Variants in EYS observed in about 807,000 individuals in gnomAD.
EYS encodes the protein EGF-like photoreceptor maintenance factor.
EYS carries 250 observed loss-of-function variants against 282.1 expected under a neutral mutation model. The ratio of observed to expected loss-of-function variants is 0.89; its 90% CI spans 0.80 to 0.98. The LOEUF (loss-of-function observed/expected upper bound fraction) is 0.98. EYS is among the 50% of genes least tolerant of loss of function. The pLI is 0.00. For missense variants in EYS, 4,016 were observed against 3,709.0 expected, an observed-to-expected ratio of 1.08 and a Z score of -2.15; for synonymous variants, 1,355 against 1,282.9, an observed-to-expected ratio of 1.06 and a Z score of -1.20.
intron 35 of EYS, among the ~76,000 whole-genome samples, chr6:63,872,776 C>A (rs372569798): frequency 4.6e-5 from 7 of 152,102 alleles, no homozygotes; most frequent in African/African-American, 1.7e-4. Flanking sequence ...CCATGCCTGG[C>A]CCACCTAAAA....
intron 28 of EYS, among the ~76,000 whole-genome samples, chr6:64,390,204 C>T (rs1773069209): frequency 6.6e-6 from 1 of 152,090 alleles, no homozygotes; most frequent in African/African-American, 2.4e-5. Context: ...GGGAGGGGTG[C>T]CCGCCATTGC....
At chr6:64,992,033 T>C (rs1338856725) in intron 14 of EYS, among the ~76,000 whole-genome samples, 1 of 151,836 alleles carries the variant, frequency 6.6e-6, no homozygotes, top group Non-Finnish European at 1.5e-5. Flanking sequence ...ATAAATTATC[T>C]AAATGCCTGG....
rs188553390 is a variant in EYS, at chr6:64,438,911, T to C, written c.5835+251A>G. 3.7e-3 allele frequency among the ~76,000 whole-genome samples: 560 copies of C among 151,758 alleles called. 3 individuals carry two copies. The highest frequency in any genetic ancestry group is 5.0e-3 in the Non-Finnish European group (339 of 67,654). ...AAATATGTGATTAATGAAATCCAGTTAGCTTATTTTTTGAATAAGTTGTTA... is the reference window on the plus strand; with the variant it reads ...AAATATGTGATTAATGAAATCCAGTCAGCTTATTTTTTGAATAAGTTGTTA... On this transcript the variant is annotated intron_variant, in intron 27 of 42. Coordinates refer to ENST00000503581, the MANE Select transcript of EYS (RefSeq NM_001142800.2).
intron 2 of EYS, among the ~76,000 whole-genome samples, chr6:65,533,784 G>A (rs951997063): frequency 6.6e-6 from 1 of 151,942 alleles, no homozygotes; most frequent in East Asian, 1.9e-4. Context: ...TCAGCCTCTA[G>A]AACTGAAAAA....
In EYS at chr6:65,181,171, C is replaced by A. The variant is rs575147691; in HGVS notation, c.2023+114692G>T. Among the ~76,000 whole-genome samples, 147 of 152,132 alleles carry A rather than the reference C, an allele frequency of 9.7e-4. 6 individuals carry two copies. In the South Asian group the frequency reaches 0.03, roughly 31 times the overall value. ...GGCAAGGACTTCATGTCCAAAACAC[C>A]AAAAGCAATGGCAACAAAAGCCAAA... On this transcript the variant is annotated intron_variant, in intron 12 of 42. Coordinates refer to ENST00000503581, the MANE Select transcript of EYS (RefSeq NM_001142800.2).
intron 28 of EYS, among the ~76,000 whole-genome samples, chr6:64,417,473 A>G (rs1463740059): frequency 6.6e-6 from 1 of 152,120 alleles, no homozygotes; most frequent in South Asian, 2.1e-4. Flanking sequence ...ATCAAAATAG[A>G]CCATTTAGAT....
chr6:64,810,474 T>C lies in EYS; in HGVS notation c.3443+2904A>G, dbSNP rs144990464. The stretch of plus-strand genomic sequence containing the variant: ...AAGATAAGATCTAAGAAATTTACAC[T>C]TCACCAAGTTAAAATTAATATGTGA... On this transcript the variant is annotated intron_variant, in intron 22 of 42. Coordinates refer to ENST00000503581, the MANE Select transcript of EYS (RefSeq NM_001142800.2). 4.6e-3 allele frequency among the ~76,000 whole-genome samples: 700 copies of C among 152,132 alleles called. 4 individuals are homozygous for C. Among genetic ancestry groups the C allele is most frequent in the African/African-American group, 0.016 (660 of 41,538 alleles).
intron 22 of EYS, among the ~76,000 whole-genome samples, chr6:64,705,206 T>C (rs377457127): frequency 3.4e-4 from 52 of 152,190 alleles, no homozygotes; most frequent in African/African-American, 1.2e-3. Context: ...AGAATCAAAT[T>C]AAGAACTCAA....
At chr6:64,013,893 A>C (rs1768762152) in intron 33 of EYS, among the ~76,000 whole-genome samples, 1 of 152,160 alleles carries the variant, frequency 6.6e-6, no homozygotes, top group Admixed American at 6.5e-5. Flanking sequence ...TCTGATGGTG[A>C]ATGTAAGTTC....
intron 31 of EYS, among the ~76,000 whole-genome samples, chr6:64,216,303 A>C (rs1765925557): frequency 6.6e-6 from 1 of 152,180 alleles, no homozygotes; most frequent in Non-Finnish European, 1.5e-5. Context: ...AGAAATAAAA[A>C]ATTAAGAAGT....
At chr6:64,556,059 T>A in intron 26 of EYS, among the ~76,000 whole-genome samples, 1 of 152,024 alleles carries the variant, frequency 6.6e-6, no homozygotes, top group East Asian at 1.9e-4. Context: ...GGTACAGTCA[T>A]TTTGGAAGAC....
chr6:64,011,513 T>C (rs1332841216), intron 33 of EYS, among the ~76,000 whole-genome samples: 2 of 152,202 alleles, frequency 1.3e-5, no homozygotes, highest in Non-Finnish European at 2.9e-5. Context: ...TGTTTTGTGC[T>C]ATAGGCATTT....
At chr6:64,696,603 G>C (rs892826570) in intron 22 of EYS, among the ~76,000 whole-genome samples, 16 of 152,206 alleles carry the variant, frequency 1.1e-4, no homozygotes, top group African/African-American at 1.9e-4. Flanking sequence ...AAACCAGAAA[G>C]AGAAAAGCGT....
intron 31 of EYS, among the ~76,000 whole-genome samples, chr6:64,143,310 A>G (rs1488015019): frequency 6.9e-6 from 1 of 145,136 alleles, no homozygotes; most frequent in East Asian, 2.1e-4. Flanking sequence ...ACTAACATGG[A>G]CTATGGACTT....
At chr6:64,692,976 G>T (rs1233634378) in intron 22 of EYS, among the ~76,000 whole-genome samples, 1 of 3,068 alleles carries the variant, frequency 3.3e-4, no homozygotes, top group Non-Finnish European at 1.2e-3. Flanking sequence ...GGCTGCTTGG[G>T]CTTTTTTTTT....
chr6:64,895,354 T>C (rs2181546), intron 18 of EYS, among the ~76,000 whole-genome samples: 115,758 of 152,104 alleles, frequency 0.76, 44,369 homozygotes, highest in South Asian at 0.8. Flanking sequence ...TGTCAGAATG[T>C]CTTTTTAAAG....
At chr6:65,342,410 T>C (rs930808134) in intron 10 of EYS, among the ~76,000 whole-genome samples, 1 of 151,012 alleles carries the variant, frequency 6.6e-6, no homozygotes. Flanking sequence ...TTATTGATGA[T>C]ACTACAAATC....
At chr6:64,339,739 A>T (rs1771020820) in intron 29 of EYS, among the ~76,000 whole-genome samples, 1 of 151,760 alleles carries the variant, frequency 6.6e-6, no homozygotes, top group Non-Finnish European at 1.5e-5. Context: ...GGAATGAATT[A>T]TGGCATTTGC....
At chr6:63,863,271 G>A (rs1772580038) in intron 36 of EYS, among the ~76,000 whole-genome samples, 1 of 152,130 alleles carries the variant, frequency 6.6e-6, no homozygotes, top group South Asian at 2.1e-4. Flanking sequence ...ACACATTTAT[G>A]TATATCACAG....
Sources: gnomAD v4.1 joint callset for allele counts (sites outside exome capture counted in the v4.1 genomes callset) on GRCh38, gnomAD v4.1.1 for gene constraint, MANE v1.5 for transcripts, NCBI Gene and HGNC (gene_info 2026-07-23, HGNC 2026-07-21) for gene names.